Variants in KIR2DL3 observed in about 807,000 individuals in gnomAD.
KIR2DL3 encodes the protein killer cell immunoglobulin-like receptor 2DL3.
In KIR2DL3, 39 loss-of-function variants were observed where a neutral mutation model predicts 33.8. That is an observed-to-expected ratio of 1.15 (90% confidence interval 0.89 to 1.51). The LOEUF is 1.51. KIR2DL3 is among the 40% of genes most tolerant of loss of function. KIR2DL3 has a pLI of 0.00. For missense variants in KIR2DL3, 462 were observed against 426.2 expected, an observed-to-expected ratio of 1.08 and a Z score of -0.74; for synonymous variants, 174 against 160.2, an observed-to-expected ratio of 1.09 and a Z score of -0.65.
intron 4 of KIR2DL3, among the ~76,000 whole-genome samples, 178 bp from the exon 5 acceptor site, chr19:54,747,157 C>A (rs191275936): frequency 4.8e-5 from 7 of 146,970 alleles, no homozygotes; most frequent in Admixed American, 3.5e-4. Flanking sequence ...TCTCTTTATA[C>A]CTTGAAGTCT....
At chr19:54,744,642 T>G (rs2071935611) in intron 4 of KIR2DL3, among the ~76,000 whole-genome samples, 1 of 150,886 alleles carries the variant, frequency 6.6e-6, no homozygotes, top group Non-Finnish European at 1.5e-5. Flanking sequence ...TTCTCCTGCT[T>G]CAGCCACCTG....
At chr19:54,745,763 A>G (rs1842164363) in intron 4 of KIR2DL3, among the ~76,000 whole-genome samples, 1 of 151,266 alleles carries the variant, frequency 6.6e-6, no homozygotes, top group South Asian at 2.1e-4. Flanking sequence ...TTTCTCTACC[A>G]CTTTGGCAGG....
In KIR2DL3 at chr19:54,747,349, A is replaced by G. The variant is rs557366904; in HGVS notation, c.679A>G (p.Ser227Gly). The G allele has an allele frequency of 6.2e-7, 1 of 1,611,804 alleles. No homozygotes were observed. The highest frequency in any genetic ancestry group is 1.7e-5 in the Admixed American group (1 of 59,834). Residue 227 changes from serine to glycine, a missense_variant, in exon 5 of 8, where the codon AGT (serine) becomes GGT (glycine). Ser to Gly is a moderately conservative substitution (Grantham distance 56). Transcript: ENST00000342376. ...LVSVTGNPSN[S>G]WPSPTEPSSE... ...TCGTGTTCTAGGAAACCCTTCAAAT[A>G]GTTGGCCTTCACCCACTGAACCAAG...
At chr19:54,748,210 T>C (rs1384194046) in intron 5 of KIR2DL3, among the ~76,000 whole-genome samples, 1 of 151,764 alleles carries the variant, frequency 6.6e-6, no homozygotes, top group Non-Finnish European at 1.5e-5. Flanking sequence ...CCTTCTTCCT[T>C]ACCACACCTC....
In KIR2DL3 at chr19:54,742,217, C is replaced by T; in HGVS notation, c.308C>T (p.Ser103Phe). 1 of 1,614,198 alleles carries T rather than the reference C, an allele frequency of 6.2e-7. No homozygotes were observed. Among genetic ancestry groups the T allele is most frequent in the South Asian group, 1.1e-5 (1 of 91,086 alleles). The change falls in exon 3 of 8, where the codon TCT becomes TTT. Residue 103 changes from serine to phenylalanine, a missense_variant. Coordinates refer to ENST00000342376, the MANE Select transcript of KIR2DL3 (RefSeq NM_015868.3). ...DLAGTYRCYG[S>F]VTHSPYQLSA... The stretch of plus-strand genomic sequence containing the variant: ...GCAGGGACCTACAGATGCTACGGTT[C>T]TGTTACTCACTCCCCCTATCAGTTG...
chr19:54,741,144 C>A lies in KIR2DL3; in HGVS notation c.71-836C>A, dbSNP rs1201358736. Among the ~76,000 whole-genome samples, 9 of 151,316 alleles carry A rather than the reference C, an allele frequency of 5.9e-5. No individual in the cohort carries two copies. In the East Asian group the frequency reaches 1.7e-3, roughly 29 times the overall value. On this transcript the variant is annotated intron_variant, in intron 2 of 7. Transcript: ENST00000342376. ...ATTTTCTACAGCAGCAACAGGAAACCAACACTGGAACCCAGGTCAAGGACA... is the reference window on the plus strand; with the variant it reads ...ATTTTCTACAGCAGCAACAGGAAACAAACACTGGAACCCAGGTCAAGGACA...
rs1311354011 is a variant in KIR2DL3 at position 54,742,131 on chromosome 19, A to G, written c.222A>G (p.Gly74=). 5.6e-6 allele frequency: 9 copies of G among 1,613,942 alleles called. No individual in the cohort carries two copies. Among genetic ancestry groups the G allele is most frequent in the Non-Finnish European group, 7.6e-6 (9 of 1,179,996 alleles). The change falls in exon 3 of 8, where the codon GGA becomes GGG. Residue 74 remains glycine, a synonymous_variant. Coordinates refer to ENST00000342376, the MANE Select transcript of KIR2DL3 (RefSeq NM_015868.3). ...TTAAGGACACTTTGCACCTCATTGG[A>G]GAGCACCATGATGGGGTCTCCAAGG... The part of the protein sequence containing the change: ...GKFKDTLHLI[G]EHHDGVSKAN...
At chr19:54,739,192 G>A (rs1326123390) in intron 1 of KIR2DL3, among the ~76,000 whole-genome samples, 1 of 151,614 alleles carries the variant, frequency 6.6e-6, no homozygotes, top group African/African-American at 2.4e-5. Flanking sequence ...TGGAGATCTG[G>A]GCCTGGGGCG....
intron 3 of KIR2DL3, among the ~76,000 whole-genome samples, chr19:54,743,219 G>A (rs1482365381): frequency 4.9e-4 from 74 of 152,170 alleles, no homozygotes; most frequent in African/African-American, 1.7e-3. Context: ...CATAGATGAT[G>A]ATTGATTGAT....
chr19:54,739,416 C>G lies in KIR2DL3; in HGVS notation c.35-91C>G, dbSNP rs1240303386. The G allele has an allele frequency of 3.7e-6, 6 of 1,603,406 alleles. No individual in the cohort carries two copies. In the African/African-American group the frequency reaches 8.0e-5, roughly 21 times the overall value. On this transcript the variant is annotated intron_variant, in intron 1 of 7. Transcript: ENST00000342376. ...GAGTTTAACTTCAGCCCAGGAAGGG[C>G]CTGGCTGCCAAGACTCACAGCCCAG...
chr19:54,749,528 C>A (rs1472721602), intron 5 of KIR2DL3, among the ~76,000 whole-genome samples: 2 of 113,376 alleles, frequency 1.8e-5, no homozygotes, highest in Admixed American at 9.0e-5. Context: ...ATTTATTCAT[C>A]CTACACATAA....
intron 4 of KIR2DL3, among the ~76,000 whole-genome samples, chr19:54,744,895 TATAC>T (rs1422807952): frequency 3.0e-3 from 195 of 64,540 alleles, no homozygotes; most frequent in African/African-American, 9.9e-3. Flanking sequence ...TATATATATA[TATAC>T]ACACACACAC....
At chr19:54,740,936 A>T (rs1239034814) in intron 2 of KIR2DL3, among the ~76,000 whole-genome samples, 1 of 148,380 alleles carries the variant, frequency 6.7e-6, no homozygotes, top group African/African-American at 2.5e-5. Flanking sequence ...AGGAAGGCCA[A>T]GATCCATGAA....
intron 4 of KIR2DL3, among the ~76,000 whole-genome samples, chr19:54,744,921 C>CATATATATGTGTATATAT (rs2072105629): frequency 4.0e-5 from 1 of 25,272 alleles, no homozygotes; most frequent in African/African-American, 1.3e-4. Flanking sequence ...CATATATAAA[C>CATATATATGTGTATATAT]ATATATATAT....
In KIR2DL3 at chr19:54,742,210, T is replaced by G. The variant is rs750315360; in HGVS notation, c.301T>G (p.Tyr101Asp). ...AGACCTTGCAGGGACCTACAGATGCTACGGTTCTGTTACTCACTCCCCCTA... is the reference window on the plus strand; with the variant it reads ...AGACCTTGCAGGGACCTACAGATGCGACGGTTCTGTTACTCACTCCCCCTA... The part of the protein sequence containing the change: ...MQDLAGTYRC[Y>D]GSVTHSPYQL... Residue 101 changes from tyrosine to aspartate, a missense_variant, in exon 3 of 8, where the codon TAC becomes GAC. Physicochemically the swap from Tyr to Asp is radical, Grantham distance 160 (BLOSUM62 -3). Coordinates refer to ENST00000342376, the MANE Select transcript of KIR2DL3 (RefSeq NM_015868.3). The G allele has an allele frequency of 1.2e-6, 2 of 1,614,194 alleles. No homozygotes were observed. Among genetic ancestry groups the G allele is most frequent in the Non-Finnish European group, 1.7e-6 (2 of 1,180,044 alleles).
At chr19:54,748,363 C>T (rs72487167) in intron 5 of KIR2DL3, among the ~76,000 whole-genome samples, 27,816 of 120,408 alleles carry the variant, frequency 0.23, 3,795 homozygotes, top group South Asian at 0.3. Context: ...TTAGCAACCG[C>T]AATTCCATCT....
At chr19:54,738,808 C>A (rs1487646123) in intron 1 of KIR2DL3, among the ~76,000 whole-genome samples, 5 of 143,980 alleles carry the variant, frequency 3.5e-5, no homozygotes, top group African/African-American at 1.3e-4. Flanking sequence ...AGACATGGGC[C>A]TGGAGATGGA....
chr19:54,745,218 C>G (rs1372706023), intron 4 of KIR2DL3, among the ~76,000 whole-genome samples: 1 of 152,032 alleles, frequency 6.6e-6, no homozygotes, highest in African/African-American at 2.4e-5. Context: ...TAGGTTGACT[C>G]CACATCTTGG....
chr19:54,751,769 C>T lies in KIR2DL3; in HGVS notation c.820+16C>T. ...AACAAAAAAAGTAAGTCTCACGAAG[C>T]AGAGGCCAGAGAGCTCAGGGCCATG... On this transcript the variant is annotated intron_variant, in intron 6 of 7. Coordinates refer to ENST00000342376, the MANE Select transcript of KIR2DL3 (RefSeq NM_015868.3). 7.0e-7 allele frequency: 1 copy of T among 1,437,652 alleles called. No individual in the cohort carries two copies. The allele number at this position is 1,437,652 out of a possible 1,614,324, so 89.1% of individuals were successfully genotyped here.
Sources: allele counts gnomAD v4.1 joint callset (sites outside exome capture counted in the v4.1 genomes callset), GRCh38; gene constraint gnomAD v4.1.1; transcripts MANE v1.5; gene names NCBI Gene and HGNC (gene_info 2026-07-23, HGNC 2026-07-21).